The following MYRFL variants were observed in gnomAD, a reference collection of about 807,000 sequenced individuals.
MYRFL encodes the protein myelin regulatory factor like.
MYRFL carries 88 observed loss-of-function variants against 109.4 expected under a neutral mutation model. The ratio of observed to expected loss-of-function variants is 0.80; its 90% CI spans 0.68 to 0.96. The LOEUF (loss-of-function observed/expected upper bound fraction) is 0.96. MYRFL is among the 40% of genes least tolerant of loss of function. The pLI is 0.00. For missense variants in MYRFL, 957 were observed against 954.9 expected, an observed-to-expected ratio of 1.00 and a Z score of -0.03; for synonymous variants, 324 against 320.9, an observed-to-expected ratio of 1.01 and a Z score of -0.10.
chr12:69,835,458 G>A (rs553455224), intron 1 of MYRFL, among the ~76,000 whole-genome samples: 31 of 152,186 alleles, frequency 2.0e-4, no homozygotes, highest in African/African-American at 7.0e-4. Context: ...ATATTTAACC[G>A]CTCATAAAAG....
At chr12:69,946,826 C>G (rs1230112292) in intron 19 of MYRFL, 1 of 152,232 alleles carries the variant, frequency 6.6e-6, no homozygotes, top group Non-Finnish European at 1.5e-5. Context: ...ATCTGGGTCC[C>G]CCACTTCCCT....
chr12:69,829,245 C>G (rs933841682), intron 1 of MYRFL, among the ~76,000 whole-genome samples: 4 of 152,084 alleles, frequency 2.6e-5, no homozygotes, highest in African/African-American at 9.7e-5. Context: ...ACATTTTCTG[C>G]CCCTGTCTCG....
chr12:69,939,875 T>A (rs370973290), intron 19 of MYRFL, among the ~76,000 whole-genome samples: 1 of 150,626 alleles, frequency 6.6e-6, no homozygotes, highest in South Asian at 2.1e-4. Flanking sequence ...AAAACCAAGG[T>A]TCGAGAACTA....
chr12:69,891,948 A>G (rs1479830406), intron 7 of MYRFL, among the ~76,000 whole-genome samples: 1 of 152,052 alleles, frequency 6.6e-6, no homozygotes, highest in East Asian at 1.9e-4. Context: ...AAGTGCTGGG[A>G]TAACAGGCAT....
Position 69,936,644 on chromosome 12 carries a change from T to C in MYRFL, c.2224+12T>C. On this transcript the variant is annotated intron_variant, in intron 19 of 24. Transcript: ENST00000552032. ...GAGGCGATGGTCAGGTAAATGATGT[T>C]CAAAGAGAAACAACTAGAGCTTTGA... 6.7e-7 allele frequency: 1 copy of C among 1,493,194 alleles called. No homozygotes were observed. Among genetic ancestry groups the C allele is most frequent in the Non-Finnish European group, 8.9e-7 (1 of 1,123,406 alleles). 92.5% of individuals were successfully genotyped at this position (1,493,194 alleles called of 1,614,324 possible).
Position 69,958,632 on chromosome 12 carries a change from AT to A in MYRFL, c.*104del. On this transcript the variant is annotated 3_prime_UTR_variant, in exon 25 of 25. Transcript: ENST00000552032. ...ACTTCTTTTTTCTTCTTTGTAAAACATTTACGTTTATTGCTGAAGGACTTTT... is the reference window on the plus strand; with the variant it reads ...ACTTCTTTTTTCTTCTTTGTAAAACATTACGTTTATTGCTGAAGGACTTTT... The A allele has an allele frequency of 1.2e-6, 1 of 849,080 alleles. No individual in the cohort carries two copies. The highest frequency in any genetic ancestry group is 1.8e-6 in the Non-Finnish European group (1 of 561,270). The allele number at this position is 849,080 out of a possible 1,614,324, so 52.6% of individuals were successfully genotyped here. A position where few individuals can be genotyped will look rare whatever the true frequency, so the allele number is the denominator to read the frequency against.
chr12:69,870,638 C>T (rs933802159), intron 2 of MYRFL, among the ~76,000 whole-genome samples: 1 of 152,122 alleles, frequency 6.6e-6, no homozygotes, highest in African/African-American at 2.4e-5. Context: ...TTGAAGGTAG[C>T]TATCATTAAT....
chr12:69,852,653 CATAGGACA>C (rs573922532), intron 1 of MYRFL, among the ~76,000 whole-genome samples: 3,561 of 136,608 alleles, frequency 0.026, 127 homozygotes, highest in African/African-American at 0.091. Context: ...TTGGCAGGGT[CATAGGACA>C]ATAGTGGAGG....
chr12:69,936,462 C>T lies in MYRFL; in HGVS notation c.2054C>T (p.Thr685Ile). The change falls in exon 19 of 25, where the codon ACA (threonine) becomes ATA (isoleucine). Residue 685 changes from threonine to isoleucine, a missense_variant. By Grantham distance (89) the Thr-to-Ile change is moderately conservative. Transcript: ENST00000552032. Reference sequence around the variant, plus strand: ...GCCCAATGCCTTGCAGCACCTAATACATCCCTGGTAACCACACCGGCCTCC... The same window carrying T: ...GCCCAATGCCTTGCAGCACCTAATATATCCCTGGTAACCACACCGGCCTCC... ...LPTASSSAPN[T>I]SLVTTPASLQ... 6.5e-7 allele frequency: 1 copy of T among 1,535,238 alleles called. No individual in the cohort carries two copies. Among genetic ancestry groups the T allele is most frequent in the Non-Finnish European group, 8.7e-7 (1 of 1,146,472 alleles).
chr12:69,921,177 C>T (rs1489011348), intron 13 of MYRFL, among the ~76,000 whole-genome samples: 2 of 152,098 alleles, frequency 1.3e-5, no homozygotes. Context: ...TTTCAAAATG[C>T]CCCTCAGCCC....
At chr12:69,919,958 T>C (rs1365211671) in intron 13 of MYRFL, among the ~76,000 whole-genome samples, 1 of 152,200 alleles carries the variant, frequency 6.6e-6, no homozygotes, top group African/African-American at 2.4e-5. Context: ...TGTCACTAAA[T>C]AAAGGATGAA....
intron 1 of MYRFL, among the ~76,000 whole-genome samples, chr12:69,836,745 G>A (rs1327990849): frequency 6.6e-6 from 1 of 152,192 alleles, no homozygotes; most frequent in Non-Finnish European, 1.5e-5. Flanking sequence ...CTTCCCCTGA[G>A]AGAGGCAGGT....
intron 7 of MYRFL, among the ~76,000 whole-genome samples, chr12:69,891,655 T>TTC: frequency 9.0e-6 from 1 of 110,528 alleles, no homozygotes; most frequent in Non-Finnish European, 1.8e-5. Context: ...CTTTCTTTCT[T>TTC]TCTTTCTTTC....
chr12:69,860,904 C>CA (rs1884616812), intron 2 of MYRFL, among the ~76,000 whole-genome samples: 1 of 121,856 alleles, frequency 8.2e-6, no homozygotes, highest in African/African-American at 3.1e-5. Context: ...CCCCTCCCCC[C>CA]ACCCCACAAC....
At chr12:69,849,972 G>A (rs1291293928) in intron 1 of MYRFL, among the ~76,000 whole-genome samples, 1 of 152,030 alleles carries the variant, frequency 6.6e-6, no homozygotes, top group East Asian at 1.9e-4. Flanking sequence ...ATCTCATCTT[G>A]TAGCTCCCAT....
At chr12:69,860,629 ACTT>A (rs1884591818) in intron 2 of MYRFL, among the ~76,000 whole-genome samples, 1 of 151,422 alleles carries the variant, frequency 6.6e-6, no homozygotes, top group African/African-American at 2.4e-5. Flanking sequence ...TGCTTCTTGT[ACTT>A]CTTTTCCCCC....
chr12:69,923,198 T>C (rs975606360), intron 13 of MYRFL, among the ~76,000 whole-genome samples: 11 of 152,248 alleles, frequency 7.2e-5, no homozygotes, highest in African/African-American at 2.7e-4. Flanking sequence ...CTGAGTCATT[T>C]TGACCCAACC....
At chr12:69,945,341 C>T (rs1010180175) in intron 19 of MYRFL, among the ~76,000 whole-genome samples, 11 of 152,228 alleles carry the variant, frequency 7.2e-5, no homozygotes, top group African/African-American at 2.7e-4. Context: ...ATTCCCTACA[C>T]AGGTGGACTA....
chr12:69,833,845 T>TTTTC (rs1466490180), intron 1 of MYRFL, among the ~76,000 whole-genome samples: 3 of 151,482 alleles, frequency 2.0e-5, no homozygotes, highest in Non-Finnish European at 4.4e-5. Context: ...TTTTTTTTTT[T>TTTTC]TTCGGTACAA....
Sources: gnomAD v4.1 joint callset for allele counts (sites outside exome capture counted in the v4.1 genomes callset) on GRCh38, gnomAD v4.1.1 for gene constraint, MANE v1.5 for transcripts, NCBI Gene and HGNC (gene_info 2026-07-23, HGNC 2026-07-21) for gene names.